The following ANK2 variants were observed in gnomAD, a reference collection of about 807,000 sequenced individuals.
ANK2 encodes the protein ankyrin-2.
In ANK2, 83 loss-of-function variants were observed where a neutral mutation model predicts 360.5. That is an observed-to-expected ratio of 0.23 (90% CI 0.19 to 0.28). ANK2 has a LOEUF of 0.28. ANK2 is among the 10% of genes least tolerant of loss of function. The probability of loss-of-function intolerance (pLI) is 1.00; values close to 1 mark genes in which losing one functional copy is unlikely to be tolerated. For missense variants in ANK2, 4,201 were observed against 4,795.7 expected (o/e 0.88, Z 3.66); for synonymous variants, 1,740 against 1,759.5 (o/e 0.99, Z 0.28).
chr4:112,736,195 G>GTTGTAAT, the ANK2 span, among the ~76,000 whole-genome samples: 1 of 152,120 alleles, frequency 6.6e-6, no homozygotes, highest in Non-Finnish European at 1.5e-5. Context: ...GGGCGCGGTG[G>GTTGTAAT]CTCATGCCTG....
chr4:112,728,678 G>A, the ANK2 span, among the ~76,000 whole-genome samples: 170 of 152,020 alleles, frequency 1.1e-3, 1 homozygote, highest in Non-Finnish European at 2.0e-3. Context: ...CCTGAGCCCC[G>A]GGGAGTTGAG....
chr4:112,925,980 T>C (rs1284843033), intron 2 of ANK2, among the ~76,000 whole-genome samples: 1 of 152,232 alleles, frequency 6.6e-6, no homozygotes, highest in Non-Finnish European at 1.5e-5. Flanking sequence ...AGAAATAACT[T>C]GCTTGAATCT....
chr4:113,309,494 G>C (rs189318615), intron 23 of ANK2, among the ~76,000 whole-genome samples: 3 of 152,072 alleles, frequency 2.0e-5, no homozygotes, highest in African/African-American at 7.2e-5. Flanking sequence ...ATCAGAGGTG[G>C]TTTTTTTGTT....
At position 113,026,989 on chromosome 4, in the gene ANK2, T is replaced by C. The variant is rs570326299; in HGVS notation, c.21+122475T>C. 3.5e-4 allele frequency among the ~76,000 whole-genome samples: 53 copies of C among 151,920 alleles called. 1 individual carries two copies. The South Asian group carries it at 5.8e-3, about 17-fold the overall frequency. On this transcript the variant is annotated intron_variant, in intron 2 of 30. Coordinates refer to the ANK2 transcript ENST00000503271. ...AGAGGTATGCTGCTTTTCCAGGAGG[T>C]TGGACACAAAGGAAGAAGGGCTGGG... is the stretch of plus-strand genomic sequence containing the variant.
the ANK2 span, among the ~76,000 whole-genome samples, chr4:112,726,615 G>A: frequency 6.6e-6 from 1 of 152,102 alleles, no homozygotes; most frequent in African/African-American, 2.4e-5. Flanking sequence ...ATTGCGGGAG[G>A]CCGAGGCGGG....
At position 113,336,491 on chromosome 4, in the gene ANK2, AG is replaced by A. The variant is rs2093558144; in HGVS notation, c.3592-85del. 139 of 1,276,464 alleles carry A rather than the reference AG, an allele frequency of 1.1e-4. 2 individuals are homozygous for A. The South Asian group carries it at 1.9e-3, about 17-fold the overall frequency. 79.1% of individuals were successfully genotyped at this position (1,276,464 alleles called of 1,614,324 possible). A position where few individuals can be genotyped will look rare whatever the true frequency, so the allele number is the denominator to read the frequency against. ...TGTAAGATAAAAAATACTTTGGGGA[AG>A]AAATTTGAAATTAAGTATAATGATT... On this transcript the variant is annotated intron_variant, in intron 30 of 45. Coordinates refer to ENST00000357077, the MANE Select transcript of ANK2 (RefSeq NM_001148.6).
chr4:113,053,644 A>G (rs1252471961), intron 1 of ANK2, among the ~76,000 whole-genome samples: 1 of 152,172 alleles, frequency 6.6e-6, no homozygotes, highest in African/African-American at 2.4e-5. Context: ...CCCAGGCTGG[A>G]GTACAGTGGT....
Position 113,232,211 on chromosome 4 carries a change from T to C in ANK2, c.435T>C (p.Val145=), listed in dbSNP as rs1402032181. 4 of 1,608,556 alleles carry C rather than the reference T, an allele frequency of 2.5e-6. No homozygotes were observed. The African/African-American group carries it at 5.3e-5, about 22-fold the overall frequency. The change falls in exon 5 of 46, where the codon GTT becomes GTC. Residue 145 remains valine, a synonymous_variant. Transcript: ENST00000357077. The part of the protein sequence containing the change: ...YMAAQENHID[V]VKYLLENGAN... Reference sequence around the variant, plus strand: ...CTGCCCAAGAGAATCACATTGATGTTGTAAAATATTTGCTGGAAAATGGAG... The same window carrying C: ...CTGCCCAAGAGAATCACATTGATGTCGTAAAATATTTGCTGGAAAATGGAG...
At chr4:113,114,881 A>T (rs752118684) in intron 1 of ANK2, among the ~76,000 whole-genome samples, 2 of 152,198 alleles carry the variant, frequency 1.3e-5, no homozygotes, top group African/African-American at 2.4e-5. Context: ...TCACCCTCAC[A>T]ACAGGAAAAC....
intron 1 of ANK2, among the ~76,000 whole-genome samples, chr4:113,083,652 C>T (rs908272904): frequency 6.6e-5 from 10 of 152,172 alleles, no homozygotes; most frequent in African/African-American, 2.4e-4. Context: ...CAATCAAAAT[C>T]ATGTGGGCAT....
chr4:113,175,527 G>C (rs759700430), intron 2 of ANK2, among the ~76,000 whole-genome samples: 4 of 152,114 alleles, frequency 2.6e-5, no homozygotes, highest in Non-Finnish European at 5.9e-5. Context: ...TCTGCATCCA[G>C]ATTACATGAG....
intron 1 of ANK2, among the ~76,000 whole-genome samples, chr4:112,851,935 T>C (rs2149979180): frequency 6.6e-6 from 1 of 152,360 alleles, no homozygotes; most frequent in South Asian, 2.1e-4. Context: ...ATTACTTTTC[T>C]TTAAAATACT....
chr4:112,750,776 G>A, the ANK2 span, among the ~76,000 whole-genome samples: 1 of 151,600 alleles, frequency 6.6e-6, no homozygotes, highest in South Asian at 2.1e-4. Flanking sequence ...CATCCAGGCT[G>A]GAGTGCAGTG....
the ANK2 span, among the ~76,000 whole-genome samples, chr4:112,795,823 G>A: frequency 1.5e-5 from 2 of 136,140 alleles, no homozygotes; most frequent in East Asian, 2.4e-4. Context: ...TTTTGAGACA[G>A]GTTGTCACTC....
intron 1 of ANK2, chr4:113,151,200 C>G: frequency 2.6e-6 from 3 of 1,174,928 alleles, no homozygotes; most frequent in Non-Finnish European, 3.4e-6. Context: ...TAACCTTCTG[C>G]TCAAAAAAGG....
chr4:112,982,110 T>A (rs1428656010), intron 2 of ANK2, among the ~76,000 whole-genome samples: 1 of 152,234 alleles, frequency 6.6e-6, no homozygotes, highest in African/African-American at 2.4e-5. Flanking sequence ...TTTCTCAGTG[T>A]GTTCTGCGAA....
chr4:113,362,206 G>A (rs1217814962), intron 39 of ANK2, among the ~76,000 whole-genome samples: 2 of 152,030 alleles, frequency 1.3e-5, no homozygotes, highest in Non-Finnish European at 2.9e-5. Flanking sequence ...GGCTTTAGGT[G>A]GTTTCCCAGT....
At position 112,909,886 on chromosome 4, in the gene ANK2, T is replaced by A. The variant is rs968574888; in HGVS notation, c.21+5372T>A. Among the ~76,000 whole-genome samples the A allele has an allele frequency of 3.3e-5, 5 of 152,222 alleles. 1 individual carries two copies. The South Asian group carries it at 6.2e-4, about 19-fold the overall frequency. On this transcript the variant is annotated intron_variant, in intron 2 of 30. Transcript: ENST00000503271. ...TTTTTTCTTCCTTTCCCACAATTTC[T>A]CCATTTAATTCATACACATTAATTG...
At chr4:113,222,716 G>A (rs2099165688) in intron 4 of ANK2, among the ~76,000 whole-genome samples, 1 of 152,280 alleles carries the variant, frequency 6.6e-6, no homozygotes, top group South Asian at 2.1e-4. Context: ...GGATGACACA[G>A]TAAACACTTG....
Sources: gnomAD v4.1 joint callset for allele counts (sites outside exome capture counted in the v4.1 genomes callset) on GRCh38, gnomAD v4.1.1 for gene constraint, MANE v1.5 for transcripts, NCBI Gene and HGNC (gene_info 2026-07-23, HGNC 2026-07-21) for gene names.